Variants in DIAPH2 observed in about 807,000 individuals in gnomAD.
DIAPH2 encodes the protein diaphanous related formin 2, also known as protein diaphanous homolog 2.
Under a neutral mutation model 92.7 loss-of-function variants are expected in DIAPH2, and 35 were observed. That is an observed-to-expected ratio of 0.38 (90% confidence interval 0.29 to 0.50). The LOEUF is 0.50. DIAPH2 is among the 20% of genes least tolerant of loss of function. The probability of loss-of-function intolerance (pLI) is 0.94; values close to 1 mark genes in which losing one functional copy is unlikely to be tolerated. For synonymous variants in DIAPH2, 301 were observed against 280.4 expected (o/e 1.07, Z -0.73); for missense variants, 701 against 819.5 (o/e 0.86, Z 1.77).
intron 26 of DIAPH2, among the ~76,000 whole-genome samples, chrX:97,464,287 C>G (rs2070488447): frequency 1.3e-5 from 1 of 78,240 alleles, no homozygotes; most frequent in Non-Finnish European, 2.4e-5. Flanking sequence ...CGGTGAAACC[C>G]CATCTCTACT....
chrX:96,710,340 G>C (rs1014060612), intron 1 of DIAPH2, among the ~76,000 whole-genome samples: 2 of 111,536 alleles, frequency 1.8e-5, no homozygotes, highest in South Asian at 7.4e-4. Flanking sequence ...TTTTTGTCCA[G>C]GCTGTATCGA....
At chrX:97,252,703 G>T (rs1288014043) in intron 23 of DIAPH2, among the ~76,000 whole-genome samples, 1 of 89,714 alleles carries the variant, frequency 1.1e-5, no homozygotes, top group African/African-American at 4.1e-5. Context: ...CAACCCTCAA[G>T]AGCAAAGCTG....
At chrX:97,064,296 C>T (rs1427899232) in intron 17 of DIAPH2, among the ~76,000 whole-genome samples, 1 of 111,564 alleles carries the variant, frequency 9.0e-6, no homozygotes, top group Non-Finnish European at 1.9e-5. Context: ...TGGAGGTGAT[C>T]AGAAACTAAT....
intron 4 of DIAPH2, among the ~76,000 whole-genome samples, chrX:96,819,882 C>T (rs1569404672): frequency 9.0e-6 from 1 of 111,092 alleles, no homozygotes; most frequent in African/African-American, 3.3e-5. Flanking sequence ...GACAAGAAGA[C>T]AAAAAAAATT....
At chrX:96,728,213 T>TG (rs2147558322) in intron 1 of DIAPH2, among the ~76,000 whole-genome samples, 1 of 102,961 alleles carries the variant, frequency 9.7e-6, no homozygotes, top group Non-Finnish European at 2.0e-5. Context: ...ATATGGTTAG[T>TG]TTTTTTTTTT....
intron 21 of DIAPH2, among the ~76,000 whole-genome samples, chrX:97,140,019 C>A (rs1357143051): frequency 1.9e-5 from 2 of 104,162 alleles, no homozygotes; most frequent in Non-Finnish European, 4.0e-5. Context: ...GAATTGTGTT[C>A]TTTTTTAAAA....
chrX:96,811,383 G>C (rs769100168), intron 4 of DIAPH2, among the ~76,000 whole-genome samples: 5 of 112,165 alleles, frequency 4.5e-5, no homozygotes, highest in Admixed American at 9.5e-5. Flanking sequence ...CTGAGACTTT[G>C]CTGAAGTTGC....
At chrX:97,572,082 CTTT>C (rs58336391) in intron 26 of DIAPH2, among the ~76,000 whole-genome samples, 6 of 96,777 alleles carry the variant, frequency 6.2e-5, no homozygotes. Context: ...CTGTGACTTC[CTTT>C]TTTTTTTTTT....
chrX:97,505,073 T>C (rs1373060273), intron 26 of DIAPH2, among the ~76,000 whole-genome samples: 1 of 112,464 alleles, frequency 8.9e-6, no homozygotes, highest in Non-Finnish European at 1.9e-5. Context: ...GGGTACAAAA[T>C]AGTCATCCTA....
At chrX:97,188,694 T>G (rs1191425922) in intron 22 of DIAPH2, among the ~76,000 whole-genome samples, 1 of 112,472 alleles carries the variant, frequency 8.9e-6, no homozygotes, top group African/African-American at 3.2e-5. Flanking sequence ...TGTTAGTCTT[T>G]CAGCAAAGAA....
intron 20 of DIAPH2, among the ~76,000 whole-genome samples, chrX:97,103,637 CT>C (rs2066920180): frequency 8.9e-6 from 1 of 112,000 alleles, no homozygotes; most frequent in African/African-American, 3.2e-5. Flanking sequence ...GTTTTTCCCG[CT>C]ACCACTTTTG....
chrX:97,206,678 A>T (rs753359769), intron 22 of DIAPH2, among the ~76,000 whole-genome samples: 1 of 112,252 alleles, frequency 8.9e-6, no homozygotes, highest in Non-Finnish European at 1.9e-5. Context: ...TTAAACATTC[A>T]TTTAGCATTT....
intron 17 of DIAPH2, among the ~76,000 whole-genome samples, chrX:97,030,257 G>A (rs1330535049): frequency 9.0e-6 from 1 of 111,582 alleles, no homozygotes; most frequent in Admixed American, 9.5e-5. Flanking sequence ...ATGGAGAAGA[G>A]AAATTTTTGA....
At chrX:97,095,506 T>A (rs1288835417) in intron 19 of DIAPH2, among the ~76,000 whole-genome samples, 2 of 108,229 alleles carry the variant, frequency 1.8e-5, no homozygotes, top group Non-Finnish European at 3.8e-5. Flanking sequence ...AATATATATA[T>A]AAATACATTT....
chrX:97,398,262 C>T (rs1225603500), intron 25 of DIAPH2, among the ~76,000 whole-genome samples: 1 of 111,914 alleles, frequency 8.9e-6, no homozygotes, highest in Non-Finnish European at 1.9e-5. Flanking sequence ...TTTTTCTTCA[C>T]TCAAATAGTC....
chrX:96,687,987 A>T (rs944164225), intron 1 of DIAPH2, among the ~76,000 whole-genome samples: 3 of 111,876 alleles, frequency 2.7e-5, no homozygotes, highest in Non-Finnish European at 5.6e-5. Flanking sequence ...TGAATCTTAG[A>T]TTAATTTGTA....
chrX:97,033,430 A>G (rs1019010062), intron 17 of DIAPH2, among the ~76,000 whole-genome samples: 17 of 111,660 alleles, frequency 1.5e-4, no homozygotes, highest in Non-Finnish European at 3.0e-4. Context: ...GGTCATCTCC[A>G]TTAGTCCTTT....
At chrX:96,713,677 A>T (rs760262502) in intron 1 of DIAPH2, among the ~76,000 whole-genome samples, 7 of 111,926 alleles carry the variant, frequency 6.3e-5, no homozygotes, top group South Asian at 7.5e-4. Flanking sequence ...GCAACCACTG[A>T]TCTTTTCCTG....
intron 9 of DIAPH2, among the ~76,000 whole-genome samples, chrX:96,930,216 T>A (rs1226929086): frequency 9.0e-6 from 1 of 110,930 alleles, no homozygotes; most frequent in African/African-American, 3.3e-5. Context: ...TTTTAATACT[T>A]TATATATTTT....
Sources: allele counts gnomAD v4.1 joint callset (sites outside exome capture counted in the v4.1 genomes callset), GRCh38; gene constraint gnomAD v4.1.1; transcripts MANE v1.5; gene names NCBI Gene and HGNC (gene_info 2026-07-23, HGNC 2026-07-21).